Variants in BCKDHB observed in about 807,000 individuals in gnomAD.
The protein encoded by BCKDHB is 2-oxoisovalerate dehydrogenase subunit beta, mitochondrial.
BCKDHB carries 41 observed loss-of-function variants against 48.5 expected under a neutral mutation model. That is an observed-to-expected ratio of 0.85 (90% confidence interval 0.66 to 1.10). The LOEUF (loss-of-function observed/expected upper bound fraction) is 1.10. BCKDHB is among the 50% of genes least tolerant of loss of function. The pLI is 0.00. For missense variants in BCKDHB, 496 were observed against 494.2 expected (o/e 1.00, Z -0.03); for synonymous variants, 201 against 174.8 (o/e 1.15, Z -1.18).
the BCKDHB span, among the ~76,000 whole-genome samples, chr6:80,419,783 C>T: frequency 3.3e-5 from 5 of 152,306 alleles, no homozygotes; most frequent in African/African-American, 9.6e-5. Context: ...AGTTCTGGTG[C>T]ACTGTAGTCC....
At chr6:80,177,967 A>G (rs1416031240) in intron 6 of BCKDHB, among the ~76,000 whole-genome samples, 1 of 152,236 alleles carries the variant, frequency 6.6e-6, no homozygotes. Flanking sequence ...GTTGCTGGGC[A>G]GAGCTCTCAC....
intron 9 of BCKDHB, among the ~76,000 whole-genome samples, chr6:80,320,633 A>G (rs16891668): frequency 0.029 from 4,375 of 152,298 alleles, 188 homozygotes; most frequent in African/African-American, 0.1. Context: ...TCCTATTTTT[A>G]CAAAAACAGA....
chr6:80,213,658 G>GTTT (rs1321258948), intron 8 of BCKDHB, among the ~76,000 whole-genome samples: 6 of 132,786 alleles, frequency 4.5e-5, no homozygotes, highest in African/African-American at 2.0e-4. Context: ...CTTGGGAAGT[G>GTTT]TTTTTTTTTG....
intron 7 of BCKDHB, among the ~76,000 whole-genome samples, chr6:80,202,738 TC>T (rs1385038886): frequency 6.7e-6 from 1 of 148,610 alleles, no homozygotes; most frequent in Admixed American, 6.7e-5. Context: ...CTTTCTTCCT[TC>T]CTCTCCTCTT....
chr6:80,293,847 C>G (rs1257501390), intron 9 of BCKDHB, among the ~76,000 whole-genome samples: 1 of 152,176 alleles, frequency 6.6e-6, no homozygotes, highest in East Asian at 1.9e-4. Flanking sequence ...CCACAAATCT[C>G]TAGGGCAGGA....
the BCKDHB span, among the ~76,000 whole-genome samples, chr6:80,446,752 G>A: frequency 2.8e-5 from 4 of 141,940 alleles, no homozygotes; most frequent in Non-Finnish European, 6.1e-5. Flanking sequence ...TTGGTCAGGA[G>A]CATTCTCTCT....
At chr6:80,271,274 A>T (rs941122217) in intron 8 of BCKDHB, among the ~76,000 whole-genome samples, 2 of 152,096 alleles carry the variant, frequency 1.3e-5, no homozygotes, top group Non-Finnish European at 2.9e-5. Flanking sequence ...AGTCTTTTTC[A>T]TGGCTGCATA....
chr6:80,150,550 C>CTTTTT (rs758701261), intron 3 of BCKDHB, among the ~76,000 whole-genome samples: 135 of 105,452 alleles, frequency 1.3e-3, no homozygotes, highest in East Asian at 2.7e-3. Context: ...AGTTTGTCAT[C>CTTTTT]TTTTTTTTTT....
chr6:80,189,412 T>G (rs1449884431), intron 6 of BCKDHB, among the ~76,000 whole-genome samples: 1 of 152,234 alleles, frequency 6.6e-6, no homozygotes, highest in Non-Finnish European at 1.5e-5. Context: ...TTATAAAGTA[T>G]TAAGGGCAAA....
chr6:80,210,847 G>A (rs180944106), intron 8 of BCKDHB, among the ~76,000 whole-genome samples: 92 of 152,276 alleles, frequency 6.0e-4, no homozygotes, highest in Non-Finnish European at 1.1e-3. Context: ...AAGAACAGTG[G>A]TTAGGGTTAT....
the BCKDHB span, among the ~76,000 whole-genome samples, chr6:80,461,015 C>T: frequency 6.6e-6 from 1 of 152,096 alleles, no homozygotes; most frequent in African/African-American, 2.4e-5. Context: ...TTGTCGTGAT[C>T]TTGTTAGAAT....
At chr6:80,176,104 T>C (rs929515012) in intron 6 of BCKDHB, among the ~76,000 whole-genome samples, 2 of 152,132 alleles carry the variant, frequency 1.3e-5, no homozygotes, top group Non-Finnish European at 2.9e-5. Flanking sequence ...AAGGCCTGGA[T>C]TAGCAGAAGG....
Position 80,200,926 on chromosome 6 carries a change from G to A in BCKDHB, c.743-8G>A, listed in dbSNP as rs765391530. The A allele has an allele frequency of 3.2e-6, 5 of 1,578,800 alleles. No individual in the cohort carries two copies. In the South Asian group the frequency reaches 4.5e-5, roughly 14 times the overall value. On this transcript the variant is annotated splice_polypyrimidine_tract_variant and splice_region_variant and intron_variant, in intron 6 of 9. Coordinates refer to ENST00000320393, the MANE Select transcript of BCKDHB (RefSeq NM_183050.4). ...TGTCCTTTTTTTTTTTTCCTGTTCT[G>A]TATTTAGCGGAAGAAGTCCCTATAG...
chr6:80,409,001 C>T, the BCKDHB span, among the ~76,000 whole-genome samples: 18 of 151,862 alleles, frequency 1.2e-4, no homozygotes, highest in African/African-American at 3.6e-4. Context: ...CTTTCTTTTG[C>T]GGGCATTTAG....
intron 8 of BCKDHB, among the ~76,000 whole-genome samples, chr6:80,222,668 A>G (rs1173795820): frequency 1.3e-5 from 2 of 151,992 alleles, no homozygotes; most frequent in African/African-American, 4.8e-5. Context: ...CATCTGTTTC[A>G]GAGTAGATAT....
chr6:80,201,130 A>G (rs1355815809), intron 7 of BCKDHB, 99 bp downstream of exon 7: 3 of 991,408 alleles, frequency 3.0e-6, no homozygotes, highest in African/African-American at 1.6e-5. Context: ...TGTTTTCTTT[A>G]TATCTCAGAT....
the BCKDHB span, among the ~76,000 whole-genome samples, chr6:80,357,230 C>T: frequency 5.9e-5 from 9 of 152,108 alleles, no homozygotes; most frequent in Non-Finnish European, 1.3e-4. Context: ...AAGTCATTAC[C>T]ATTCCCTTGC....
At chr6:80,370,850 G>GTA in the BCKDHB span, among the ~76,000 whole-genome samples, 1 of 151,526 alleles carries the variant, frequency 6.6e-6, no homozygotes, top group Non-Finnish European at 1.5e-5. Context: ...TTGTGTGTGT[G>GTA]TATATATATA....
chr6:80,223,953 G>A (rs1217784554), intron 8 of BCKDHB, among the ~76,000 whole-genome samples: 1 of 152,130 alleles, frequency 6.6e-6, no homozygotes, highest in Non-Finnish European at 1.5e-5. Flanking sequence ...ATAGATGGTT[G>A]GAAATGTGGA....
Sources: gnomAD v4.1 joint callset for allele counts (sites outside exome capture counted in the v4.1 genomes callset) on GRCh38, gnomAD v4.1.1 for gene constraint, MANE v1.5 for transcripts, NCBI Gene and HGNC (gene_info 2026-07-23, HGNC 2026-07-21) for gene names.